Variants in AHCYL2 observed in about 807,000 individuals in gnomAD.
AHCYL2 encodes the protein adenosylhomocysteinase like 2.
Under a neutral mutation model 81.4 loss-of-function variants are expected in AHCYL2, and 28 were observed. The ratio of observed to expected loss-of-function variants is 0.34; its 90% CI spans 0.25 to 0.47. The LOEUF (loss-of-function observed/expected upper bound fraction) is 0.47. Among genes scored for constraint, AHCYL2 ranks in the 20% least tolerant of loss-of-function variants. AHCYL2 has a pLI of 1.00. For missense variants in AHCYL2, 551 were observed against 785.1 expected (o/e 0.70, Z 3.56); for synonymous variants, 272 against 290.2 (o/e 0.94, Z 0.64).
chr7:129,427,004 TA>T lies in AHCYL2; in HGVS notation c.1830-33del. 1.9e-6 allele frequency: 3 copies of T among 1,607,386 alleles called. No individual in the cohort carries two copies. The highest frequency in any genetic ancestry group is 2.6e-6 in the Non-Finnish European group (3 of 1,174,272). On this transcript the variant is annotated intron_variant, in intron 16 of 16. Coordinates refer to ENST00000325006, the MANE Select transcript of AHCYL2 (RefSeq NM_015328.4). This position sits in a 1 kb window ranked among gnomAD's most constrained non-coding sequence, Gnocchi z 5.5. Reference sequence around the variant, plus strand: ...ATGTCCCAGCATCCCCATTAGCTGATAACATCACAGTCTCATCTTTCTTTTT... The same window carrying T: ...ATGTCCCAGCATCCCCATTAGCTGATACATCACAGTCTCATCTTTCTTTTT...
At chr7:129,254,449 A>G (rs1795342368) in intron 1 of AHCYL2, among the ~76,000 whole-genome samples, 1 of 152,250 alleles carries the variant, frequency 6.6e-6, no homozygotes, top group Non-Finnish European at 1.5e-5. Context: ...TCTTAGTACA[A>G]CATGTTAATT....
Position 129,237,613 on chromosome 7 carries a change from A to G in AHCYL2, c.363+12174A>G, listed in dbSNP as rs180982593. 1.4e-3 allele frequency among the ~76,000 whole-genome samples: 212 copies of G among 152,206 alleles called. 1 individual carries two copies. Among genetic ancestry groups the G allele is most frequent in the Admixed American group, 5.5e-3 (84 of 15,286 alleles). ...TGTTTTGACGGAAATTGGAGCCCCA[A>G]TGATATCTCGGATACATGTCCTATG... On this transcript the variant is annotated intron_variant, in intron 1 of 16. Transcript: ENST00000325006.
chr7:129,230,837 C>T (rs1794410085), intron 1 of AHCYL2, among the ~76,000 whole-genome samples: 1 of 152,150 alleles, frequency 6.6e-6, no homozygotes, highest in Admixed American at 6.6e-5. Context: ...TCCCAAAGTG[C>T]TGGGATTACA....
chr7:129,417,938 T>C (rs1796936115), intron 12 of AHCYL2, among the ~76,000 whole-genome samples: 1 of 152,174 alleles, frequency 6.6e-6, no homozygotes, highest in African/African-American at 2.4e-5. Context: ...GATAAGGGTA[T>C]TGGGGATTCC....
chr7:129,255,566 ATGTG>A lies in AHCYL2; in HGVS notation c.363+30139_363+30142del, dbSNP rs139114235. On this transcript the variant is annotated intron_variant, in intron 1 of 16. Transcript: ENST00000325006. Reference sequence around the variant, plus strand: ...ATAGACACGTCATCTATTTACATGAATGTGTGTGTGTGTGTATGTGCGTGTGTGC... The same window carrying A: ...ATAGACACGTCATCTATTTACATGAATGTGTGTGTGTATGTGCGTGTGTGC... 4.0e-5 allele frequency among the ~76,000 whole-genome samples: 6 copies of A among 151,560 alleles called. 1 individual carries two copies. The highest frequency in any genetic ancestry group is 4.2e-4 in the South Asian group (2 of 4,814).
At chr7:129,349,576 C>G (rs1012425684) in intron 1 of AHCYL2, among the ~76,000 whole-genome samples, 1 of 142,124 alleles carries the variant, frequency 7.0e-6, no homozygotes, top group Non-Finnish European at 1.5e-5. Context: ...TGCTTGAACC[C>G]GGGAAGCGGA....
At chr7:129,326,611 A>T (rs553169189) in intron 1 of AHCYL2, among the ~76,000 whole-genome samples, 2 of 152,246 alleles carry the variant, frequency 1.3e-5, no homozygotes, top group East Asian at 3.9e-4. Context: ...TTGAACTCCT[A>T]TTCTTTAGGA....
chr7:129,395,441 T>G (rs894619315), intron 4 of AHCYL2, among the ~76,000 whole-genome samples: 3 of 152,190 alleles, frequency 2.0e-5, no homozygotes, highest in Non-Finnish European at 2.9e-5. Flanking sequence ...GCCTTGAATC[T>G]GTGGTGGGTC....
chr7:129,256,535 GC>G (rs1373184612), intron 1 of AHCYL2, among the ~76,000 whole-genome samples: 1 of 55,560 alleles, frequency 1.8e-5, no homozygotes, highest in East Asian at 9.5e-4. Context: ...CTTGCTTCCC[GC>G]CCCCCACCCC....
chr7:129,333,308 CAA>C (rs1181621904), intron 1 of AHCYL2, among the ~76,000 whole-genome samples: 45 of 67,466 alleles, frequency 6.7e-4, no homozygotes, highest in Non-Finnish European at 9.6e-4. Flanking sequence ...CATCTCTACC[CAA>C]AAAAAAAAAA....
intron 1 of AHCYL2, among the ~76,000 whole-genome samples, chr7:129,274,413 G>A (rs1436677592): frequency 6.6e-6 from 1 of 152,176 alleles, no homozygotes; most frequent in African/African-American, 2.4e-5. Flanking sequence ...GACTTTTGAA[G>A]GTCTTAGAAG....
intron 1 of AHCYL2, among the ~76,000 whole-genome samples, chr7:129,305,106 C>T (rs1797391307): frequency 6.6e-6 from 1 of 151,944 alleles, no homozygotes; most frequent in African/African-American, 2.4e-5. Flanking sequence ...TCTTATAACC[C>T]ATTATTTTAA....
intron 2 of AHCYL2, among the ~76,000 whole-genome samples, chr7:129,383,172 A>T (rs371085890): frequency 2.7e-5 from 4 of 148,650 alleles, no homozygotes; most frequent in Non-Finnish European, 6.0e-5. Context: ...ATTTTATTCT[A>T]TTTTTTTTTA....
At chr7:129,379,592 A>G in intron 1 of AHCYL2, 46 bp from the exon 2 acceptor site, 1 of 1,477,384 alleles carries the variant, frequency 6.8e-7, no homozygotes, top group Non-Finnish European at 9.3e-7. Flanking sequence ...TGCTGTCTCA[A>G]AATGGAGGTT....
intron 12 of AHCYL2, among the ~76,000 whole-genome samples, chr7:129,417,422 C>A (rs755686936): frequency 1.3e-5 from 2 of 152,198 alleles, no homozygotes; most frequent in Non-Finnish European, 2.9e-5. Context: ...AACTAGGGAG[C>A]TGTTGAGGGT....
chr7:129,388,909 G>GC (rs1490583918), intron 2 of AHCYL2, 147 bp from the exon 3 acceptor site: 1 of 740,788 alleles, frequency 1.3e-6, no homozygotes, highest in African/African-American at 1.8e-5. Context: ...CCCTCTTCTG[G>GC]CATGTGTATA....
intron 1 of AHCYL2, among the ~76,000 whole-genome samples, chr7:129,260,325 T>C (rs1795580784): frequency 6.6e-6 from 1 of 152,192 alleles, no homozygotes; most frequent in Non-Finnish European, 1.5e-5. Flanking sequence ...ATTTACTATA[T>C]GCAAAGCTTG....
At chr7:129,405,753 C>T in intron 8 of AHCYL2, 83 bp from the exon 9 acceptor site, 1 of 1,285,486 alleles carries the variant, frequency 7.8e-7, no homozygotes, top group Non-Finnish European at 1.1e-6. Context: ...CCAAAAAACC[C>T]CATGAAAACA....
intron 1 of AHCYL2, among the ~76,000 whole-genome samples, chr7:129,355,946 G>A (rs1376827285): frequency 6.6e-6 from 1 of 152,180 alleles, no homozygotes; most frequent in Non-Finnish European, 1.5e-5. Context: ...GTACCAGGTA[G>A]AGAGAAATAA....
Sources: allele counts gnomAD v4.1 joint callset (sites outside exome capture counted in the v4.1 genomes callset), GRCh38; gene constraint gnomAD v4.1.1; non-coding constraint Gnocchi (gnomAD v3.1); transcripts MANE v1.5; gene names NCBI Gene and HGNC (gene_info 2026-07-23, HGNC 2026-07-21).